INTS1: variants seen among roughly 807,000 people sequenced by gnomAD.
INTS1 encodes the protein integrator complex subunit 1.
INTS1 carries 137 observed loss-of-function variants against 241.6 expected under a neutral mutation model. That is an observed-to-expected ratio of 0.57 (90% confidence interval 0.49 to 0.65). The LOEUF is 0.65. Among genes scored for constraint, INTS1 ranks in the 30% least tolerant of loss-of-function variants. The pLI is 0.00. For missense variants in INTS1, 3,073 were observed against 3,032.2 expected, an observed-to-expected ratio of 1.01 and a Z score of -0.32; for synonymous variants, 1,692 against 1,337.8, an observed-to-expected ratio of 1.26 and a Z score of -5.78.
intron 3 of INTS1, among the ~76,000 whole-genome samples, chr7:1,501,738 C>T (rs950070802): frequency 6.6e-6 from 1 of 152,152 alleles, no homozygotes; most frequent in African/African-American, 2.4e-5. Context: ...TGAGGCTCGA[C>T]CTCCTAAAGC....
In INTS1 at chr7:1,478,431, C is replaced by T. The variant is rs567284632; in HGVS notation, c.4565G>A (p.Arg1522His). 1.6e-5 allele frequency: 26 copies of T among 1,612,632 alleles called. No individual in the cohort carries two copies. In the Admixed American group the frequency reaches 2.2e-4, roughly 13 times the overall value. ...AGACCTCAGGGTGGCGATGACGGCA[C>T]GGACGGTGGAGCTGACCACCTCCAG... ...QDLEVVSSTV[R>H]AVIATLRSGE... The change falls in exon 33 of 48, where the codon CGT becomes CAT. Residue 1522 changes from arginine to histidine, a missense_variant. Arg to His is a conservative substitution (Grantham distance 29). Transcript: ENST00000404767.
chr7:1,497,173 G>A lies in INTS1; in HGVS notation c.1567C>T (p.Arg523Cys), dbSNP rs760213762. ...QAFCLGLMQE[R>C]KEPQYLEMEF... Reference sequence around the variant, plus strand: ...ATCTCCAGGTACTGCGGCTCCTTGCGCTCCTGCATGAGCCCCAGGCAGAAG... The same window carrying A: ...ATCTCCAGGTACTGCGGCTCCTTGCACTCCTGCATGAGCCCCAGGCAGAAG... Residue 523 changes from arginine to cysteine, a missense_variant, in exon 11 of 48, where the codon CGC becomes TGC. Arg to Cys is a radical substitution (Grantham distance 180). Transcript: ENST00000404767. The surrounding 1 kb of genome is among the most constrained non-coding windows in gnomAD (Gnocchi z 5.3). The A allele has an allele frequency of 8.7e-6, 14 of 1,609,738 alleles. No homozygotes were observed. The highest frequency in any genetic ancestry group is 5.0e-5 in the Admixed American group (3 of 59,488).
At chr7:1,473,812 TG>T in intron 41 of INTS1, 119 bp from the exon 42 acceptor site, 1 of 1,276,832 alleles carries the variant, frequency 7.8e-7, no homozygotes. Flanking sequence ...GAGCCCCCTC[TG>T]CCAACCACTG....
intron 44 of INTS1, 77 bp downstream of exon 44, chr7:1,472,196 T>C: frequency 9.0e-7 from 1 of 1,114,100 alleles, no homozygotes; most frequent in Non-Finnish European, 1.3e-6. Context: ...AGTGCCCAAA[T>C]GGCTACTGGC....
At chr7:1,486,835 G>T in intron 21 of INTS1, 61 bp from the exon 22 acceptor site, 1 of 1,599,196 alleles carries the variant, frequency 6.3e-7, no homozygotes, top group Non-Finnish European at 8.5e-7. Context: ...AGGACGTGGG[G>T]TGCGCGGCTG....
In INTS1 at chr7:1,497,435, G is replaced by T; in HGVS notation, c.1426-121C>A. On this transcript the variant is annotated intron_variant, in intron 10 of 47. Coordinates refer to ENST00000404767, the MANE Select transcript of INTS1 (RefSeq NM_001080453.3). The surrounding 1 kb of genome is among the most constrained non-coding windows in gnomAD (Gnocchi z 5.3). ...CGCTGCAGTGGGTCTCAGACAGTGT[G>T]GGGTGCGGGGTGGCGGGCTCCTTGC... The T allele has an allele frequency of 9.5e-7, 1 of 1,049,080 alleles. No homozygotes were observed. Among genetic ancestry groups the T allele is most frequent in the Non-Finnish European group, 1.3e-6 (1 of 748,646 alleles). 65.0% of individuals were successfully genotyped at this position (1,049,080 alleles called of 1,614,324 possible). A position where few individuals can be genotyped will look rare whatever the true frequency, so the allele number is the denominator to read the frequency against.
rs761348317 is a variant in INTS1, at chr7:1,473,680, G to A, written c.5843C>T (p.Ser1948Phe). The change falls in exon 42 of 48, where the codon TCC becomes TTC. Residue 1948 changes from serine to phenylalanine, a missense_variant. By Grantham distance (155) the Ser-to-Phe change is radical. Coordinates refer to ENST00000404767, the MANE Select transcript of INTS1 (RefSeq NM_001080453.3). ...FIRLLLNYRKSSRHLAAFINK... is the reference protein window; with the variant it reads ...FIRLLLNYRKFSRHLAAFINK... ...GATGAAGGCAGCCAGATGGCGGGAGGACTTCCTGTAATTCTGCAAAGCAAA... is the reference window on the plus strand; with the variant it reads ...GATGAAGGCAGCCAGATGGCGGGAGAACTTCCTGTAATTCTGCAAAGCAAA... 125 of 1,613,150 alleles carry A rather than the reference G, an allele frequency of 7.7e-5. 3 individuals carry two copies. In the South Asian group the frequency reaches 1.1e-3, roughly 15 times the overall value.
At chr7:1,474,561 G>A in intron 40 of INTS1, 144 bp downstream of exon 40, 1 of 1,275,844 alleles carries the variant, frequency 7.8e-7, no homozygotes, top group East Asian at 2.6e-5. Context: ...GCTCAGTCCT[G>A]ACTTCCCCCG....
Position 1,498,844 on chromosome 7 carries a change from C to T in INTS1, c.1146G>A (p.Arg382=). ...EMWLQNPKLT[R]PAQDLLMSVC... is the part of the protein sequence containing the mutation. ...CGGACATCAGCAGGTCCTGGGCCGG[C>T]CGGGTCAGCTGCGGGGCCGAGGAGG... Residue 382 remains arginine, a synonymous_variant, in exon 9 of 48, where the codon CGG becomes CGA. Coordinates refer to ENST00000404767, the MANE Select transcript of INTS1 (RefSeq NM_001080453.3). 1 of 1,603,448 alleles carries T rather than the reference C, an allele frequency of 6.2e-7. No individual in the cohort carries two copies. The highest frequency in any genetic ancestry group is 8.5e-7 in the Non-Finnish European group (1 of 1,175,760).
At chr7:1,483,913 G>A in intron 25 of INTS1, 60 bp from the exon 26 acceptor site, 1 of 1,587,554 alleles carries the variant, frequency 6.3e-7, no homozygotes. Context: ...CAGCGCCGAG[G>A]GTACCCAGCT....
Position 1,478,800 on chromosome 7 carries a change from A to G in INTS1, c.4415T>C (p.Val1472Ala). 6.2e-7 allele frequency: 1 copy of G among 1,606,730 alleles called. No homozygotes were observed. The highest frequency in any genetic ancestry group is 1.1e-5 in the South Asian group (1 of 90,038). Residue 1472 changes from valine to alanine, a missense_variant, in exon 32 of 48, where the codon GTG becomes GCG. Val to Ala is a moderately conservative substitution (Grantham distance 64). Coordinates refer to ENST00000404767, the MANE Select transcript of INTS1 (RefSeq NM_001080453.3). ...CTGTGCCCGCAGGGGCCCGCCCTCC[A>G]CGCCAGGGCTGTCCAGCCACTGCAG... Reference protein sequence around the residue: ...QMLQWLDSPGVEGGPLRAQLR... With the variant: ...QMLQWLDSPGAEGGPLRAQLR...
chr7:1,476,876 G>C lies in INTS1; in HGVS notation c.4981C>G (p.Leu1661Val), dbSNP rs950440498. The C allele has an allele frequency of 6.2e-7, 1 of 1,612,770 alleles. No individual in the cohort carries two copies. Among genetic ancestry groups the C allele is most frequent in the Non-Finnish European group, 8.5e-7 (1 of 1,179,798 alleles). Residue 1661 changes from leucine to valine, a missense_variant, in exon 36 of 48, where the codon CTG (leucine) becomes GTG (valine). Physicochemically the swap from Leu to Val is conservative, Grantham distance 32. Coordinates refer to ENST00000404767, the MANE Select transcript of INTS1 (RefSeq NM_001080453.3). Reference sequence around the variant, plus strand: ...CTGGACTGATGCGTGAAGAGGGTCAGGAGGTAGGGACGGAACGAGGGCACC... The same window carrying C: ...CTGGACTGATGCGTGAAGAGGGTCACGAGGTAGGGACGGAACGAGGGCACC... ...AQVPSFRPYL[L>V]TLFTHQSSWP... is the part of the protein sequence containing the mutation.
At chr7:1,500,147 C>T in intron 4 of INTS1, 23 bp downstream of exon 4, 1 of 1,580,976 alleles carries the variant, frequency 6.3e-7, no homozygotes, top group Non-Finnish European at 8.6e-7. Context: ...CTGCTCGCCT[C>T]CTGCCAGGGG....
In INTS1 at chr7:1,493,120, C is replaced by T. The variant is rs758472226; in HGVS notation, c.2069-14G>A. The T allele has an allele frequency of 3.1e-6, 5 of 1,607,376 alleles. No individual in the cohort carries two copies. Among genetic ancestry groups the T allele is most frequent in the South Asian group, 1.1e-5 (1 of 90,940 alleles). ...GCACCTCCACATCTAAGACCAAGAG[C>T]CACACATGGGTTCTGGGGCTGCTCA... On this transcript the variant is annotated splice_polypyrimidine_tract_variant and intron_variant, in intron 15 of 47. Coordinates refer to ENST00000404767, the MANE Select transcript of INTS1 (RefSeq NM_001080453.3). This position sits in a 1 kb window ranked among gnomAD's most constrained non-coding sequence, Gnocchi z 5.3.
intron 43 of INTS1, among the ~76,000 whole-genome samples, chr7:1,472,607 A>G (rs1367054188): frequency 6.6e-6 from 1 of 152,120 alleles, no homozygotes; most frequent in Non-Finnish European, 1.5e-5. Context: ...GGTTTCTCGC[A>G]ATGTGGGCCA....
intron 1 of INTS1, among the ~76,000 whole-genome samples, 152 bp downstream of exon 1, chr7:1,504,171 G>C (rs1783349300): frequency 6.6e-6 from 1 of 152,152 alleles, no homozygotes; most frequent in Admixed American, 6.5e-5. Flanking sequence ...CCAGCCGCCC[G>C]GGAGCGGCTC....
rs1465334713 is a variant in INTS1, at chr7:1,497,766, G to A, written c.1426-452C>T. 1.3e-5 allele frequency among the ~76,000 whole-genome samples: 2 copies of A among 152,220 alleles called. No individual in the cohort carries two copies. Among genetic ancestry groups the A allele is most frequent in the Non-Finnish European group, 2.9e-5 (2 of 68,042 alleles). On this transcript the variant is annotated intron_variant, in intron 10 of 47. Transcript: ENST00000404767. The surrounding 1 kb of genome is among the most constrained non-coding windows in gnomAD (Gnocchi z 5.3). ...AGCTGAGAGCGGCTGTGCCTCCCTCGTGTTTCACACTCCATAGAGCCCACC... is the reference window on the plus strand; with the variant it reads ...AGCTGAGAGCGGCTGTGCCTCCCTCATGTTTCACACTCCATAGAGCCCACC...
intron 33 of INTS1, 123 bp downstream of exon 33, chr7:1,478,243 G>T: frequency 1.8e-6 from 2 of 1,121,716 alleles, no homozygotes; most frequent in Non-Finnish European, 2.6e-6. Context: ...GACCTCTGTG[G>T]GCACTTTCCG....
rs1038634892 is a variant in INTS1 at position 1,487,159 on chromosome 7, GC to G, written c.2647-59del. 23 of 1,525,502 alleles carry G rather than the reference GC, an allele frequency of 1.5e-5. No individual in the cohort carries two copies. The African/African-American group carries it at 1.8e-4, about 12-fold the overall frequency. 94.5% of individuals were successfully genotyped at this position (1,525,502 alleles called of 1,614,324 possible). Reference sequence around the variant, plus strand: ...CTTCCAGGCCCAACACCTGCCGCCAGCCCCCCGGGTGACCGCGGAGCCGGAA... The same window carrying G: ...CTTCCAGGCCCAACACCTGCCGCCAGCCCCCGGGTGACCGCGGAGCCGGAA... On this transcript the variant is annotated intron_variant, in intron 20 of 47. Coordinates refer to ENST00000404767, the MANE Select transcript of INTS1 (RefSeq NM_001080453.3).
Sources: gnomAD v4.1 joint callset for allele counts (sites outside exome capture counted in the v4.1 genomes callset) on GRCh38, gnomAD v4.1.1 for gene constraint, Gnocchi (gnomAD v3.1) non-coding constraint, MANE v1.5 for transcripts, NCBI Gene and HGNC (gene_info 2026-07-23, HGNC 2026-07-21) for gene names.